Variants in ST3GAL6 observed in about 807,000 individuals in gnomAD.
ST3GAL6 encodes the protein type 2 lactosamine alpha-2,3-sialyltransferase.
A neutral mutation model predicts 40.5 loss-of-function variants in ST3GAL6; 31 were observed. The ratio of observed to expected loss-of-function variants is 0.77; its 90% CI spans 0.58 to 1.03. The LOEUF is 1.03. Among genes scored for constraint, ST3GAL6 ranks in the 50% least tolerant of loss-of-function variants. ST3GAL6 has a pLI of 0.00. For missense variants in ST3GAL6, 357 were observed against 393.2 expected (o/e 0.91, Z 0.78); for synonymous variants, 129 against 136.9 (o/e 0.94, Z 0.40).
intron 2 of ST3GAL6, 125 bp downstream of exon 2, chr3:98,768,654 G>A: frequency 2.8e-6 from 2 of 702,576 alleles, no homozygotes; most frequent in Admixed American, 2.6e-5. Flanking sequence ...GCTTTCCATT[G>A]TAAATTGGGG....
At chr3:98,792,455 G>T (rs1941283980) in intron 9 of ST3GAL6, among the ~76,000 whole-genome samples, 1 of 151,726 alleles carries the variant, frequency 6.6e-6, no homozygotes, top group African/African-American at 2.4e-5. Context: ...CACTTCTCTT[G>T]AATAGGGATT....
chr3:98,783,429 A>G (rs1474681304), intron 5 of ST3GAL6: 9 of 401,878 alleles, frequency 2.2e-5, no homozygotes, highest in Non-Finnish European at 1.0e-5. Context: ...GTTTTTGTTC[A>G]GTGTCCCCTT....
At chr3:98,755,170 C>CTG (rs1484991061) in intron 1 of ST3GAL6, among the ~76,000 whole-genome samples, 1 of 152,182 alleles carries the variant, frequency 6.6e-6, no homozygotes, top group Admixed American at 6.5e-5. Context: ...CCTCAGCTTC[C>CTG]TGGGTAGCTG....
intron 6 of ST3GAL6, among the ~76,000 whole-genome samples, chr3:98,786,706 T>C (rs1449497230): frequency 1.1e-4 from 17 of 152,110 alleles, no homozygotes; most frequent in African/African-American, 3.6e-4. Context: ...TTTGTTTTCT[T>C]CTTTTGAAAA....
intron 6 of ST3GAL6, 141 bp from the exon 7 acceptor site, chr3:98,787,895 A>C: frequency 1.6e-6 from 1 of 611,760 alleles, no homozygotes; most frequent in Admixed American, 3.7e-5. Context: ...TTATGTGTGA[A>C]AGATTGATCT....
chr3:98,743,838 G>A (rs900271465), intron 1 of ST3GAL6, among the ~76,000 whole-genome samples: 1 of 151,998 alleles, frequency 6.6e-6, no homozygotes, highest in African/African-American at 2.4e-5. Flanking sequence ...ATTAGGATCC[G>A]TCTGGCTGAG....
intron 3 of ST3GAL6, among the ~76,000 whole-genome samples, chr3:98,771,476 T>A (rs3772098): frequency 0.41 from 62,831 of 152,014 alleles, 13,182 homozygotes; most frequent in Non-Finnish European, 0.45. Flanking sequence ...TCACATATGT[T>A]CTTTTCCTCC....
intron 5 of ST3GAL6, chr3:98,783,056 G>T: frequency 4.2e-6 from 1 of 240,162 alleles, no homozygotes; most frequent in Non-Finnish European, 8.3e-6. Context: ...AATGTTACGT[G>T]TGCACTGATT....
intron 1 of ST3GAL6, among the ~76,000 whole-genome samples, chr3:98,764,205 A>G (rs917850337): frequency 5.9e-5 from 9 of 152,204 alleles, no homozygotes; most frequent in Non-Finnish European, 1.3e-4. Context: ...GCACTAACCT[A>G]ATGCTTGATA....
intron 9 of ST3GAL6, among the ~76,000 whole-genome samples, chr3:98,792,401 GA>G (rs1240815292): frequency 6.6e-6 from 1 of 152,076 alleles, no homozygotes; most frequent in Non-Finnish European, 1.5e-5. Context: ...CCCTACAAGA[GA>G]ATCTTCATGA....
chr3:98,756,427 C>T, intron 1 of ST3GAL6: 1 of 1,289,722 alleles, frequency 7.8e-7, no homozygotes, highest in Non-Finnish European at 1.0e-6. Flanking sequence ...AACAGAGAGG[C>T]CCCAGCAATT....
intron 1 of ST3GAL6, among the ~76,000 whole-genome samples, chr3:98,768,217 C>T (rs1938581436): frequency 6.6e-6 from 1 of 152,148 alleles, no homozygotes; most frequent in African/African-American, 2.4e-5. Flanking sequence ...CCTAAACATA[C>T]ATTATGTTGT....
intron 6 of ST3GAL6, among the ~76,000 whole-genome samples, chr3:98,786,505 G>T (rs1183740073): frequency 6.6e-6 from 1 of 152,108 alleles, no homozygotes; most frequent in South Asian, 2.1e-4. Flanking sequence ...CCCAATAAAA[G>T]CAGGCTTAGA....
rs762273513 is a variant in ST3GAL6, at chr3:98,788,025, A to G, written c.432-11A>G. The G allele has an allele frequency of 1.2e-6, 2 of 1,608,654 alleles. No homozygotes were observed. The highest frequency in any genetic ancestry group is 2.2e-5 in the East Asian group (1 of 44,820). ...TTGGTCTACATATCTTGTATGTTTT[A>G]CTATCCACAGAATGAATAATGGTCC... is the stretch of plus-strand genomic sequence containing the variant. On this transcript the variant is annotated splice_polypyrimidine_tract_variant and intron_variant, in intron 6 of 9. Coordinates refer to ENST00000483910, the MANE Select transcript of ST3GAL6 (RefSeq NM_001323368.2).
chr3:98,772,817 C>G lies in ST3GAL6; in HGVS notation c.172C>G (p.His58Asp). 1.2e-6 allele frequency: 2 copies of G among 1,611,208 alleles called. No individual in the cohort carries two copies. Among genetic ancestry groups the G allele is most frequent in the Non-Finnish European group, 1.7e-6 (2 of 1,177,858 alleles). ...TTCTTTATCCTTTCCTTCCAGGTTTCATCAGTTTCACCCTTTTCTGTGTGC... is the reference window on the plus strand; with the variant it reads ...TTCTTTATCCTTTCCTTCCAGGTTTGATCAGTTTCACCCTTTTCTGTGTGC... ...KPAFASLLRF[H>D]QFHPFLCAAD... The change falls in exon 4 of 10, where the codon CAT becomes GAT. Residue 58 changes from histidine (H) to aspartate (D), a missense_variant. By Grantham distance (81) the His-to-Asp change is moderately conservative. Coordinates refer to ENST00000483910, the MANE Select transcript of ST3GAL6 (RefSeq NM_001323368.2).
chr3:98,756,545 G>A (rs1454703102), intron 1 of ST3GAL6: 24 of 1,246,298 alleles, frequency 1.9e-5, no homozygotes, highest in Non-Finnish European at 2.4e-5. Context: ...GTGCAGGTAA[G>A]CAAAGGCAAC....
chr3:98,739,500 A>G (rs963993622), intron 1 of ST3GAL6, among the ~76,000 whole-genome samples: 1 of 152,218 alleles, frequency 6.6e-6, no homozygotes, highest in Non-Finnish European at 1.5e-5. Flanking sequence ...TTTAGTCTTA[A>G]GAGGTATCAG....
intron 1 of ST3GAL6, among the ~76,000 whole-genome samples, chr3:98,757,503 A>G (rs1468645108): frequency 1.3e-5 from 2 of 152,154 alleles, no homozygotes; most frequent in Non-Finnish European, 2.9e-5. Flanking sequence ...ATTTAGTGGA[A>G]TCTGGACTGT....
intron 1 of ST3GAL6, among the ~76,000 whole-genome samples, chr3:98,744,804 A>T (rs1936412744): frequency 6.6e-6 from 1 of 152,154 alleles, no homozygotes; most frequent in Non-Finnish European, 1.5e-5. Flanking sequence ...CTGATTTTCC[A>T]AATAGTGTGG....
Sources: allele counts gnomAD v4.1 joint callset (sites outside exome capture counted in the v4.1 genomes callset), GRCh38; gene constraint gnomAD v4.1.1; transcripts MANE v1.5; gene names NCBI Gene and HGNC (gene_info 2026-07-23, HGNC 2026-07-21).